Variants in IFT172 observed in about 807,000 individuals in gnomAD.
The protein encoded by IFT172 is intraflagellar transport protein 172 homolog.
IFT172 carries 164 observed loss-of-function variants against 248.9 expected under a neutral mutation model. The ratio of observed to expected loss-of-function variants is 0.66; its 90% CI spans 0.58 to 0.75. IFT172 has a LOEUF of 0.75. Among genes scored for constraint, IFT172 ranks in the 30% least tolerant of loss-of-function variants. The probability of loss-of-function intolerance (pLI) is 0.00; values close to 1 mark genes in which losing one functional copy is unlikely to be tolerated. For synonymous variants in IFT172, 729 were observed against 791.6 expected (o/e 0.92, Z 1.33); for missense variants, 1,950 against 2,192.4 (o/e 0.89, Z 2.21).
intron 42 of IFT172, 143 bp from the exon 43 acceptor site, chr2:27,446,498 G>GTT (rs11430923): frequency 0.015 from 8,547 of 579,766 alleles, no homozygotes; most frequent in South Asian, 0.018. Context: ...CTGGGTCTTA[G>GTT]TTTTTTTTTT....
At position 27,476,662 on chromosome 2, in the gene IFT172, C is replaced by G; in HGVS notation, c.1390G>C (p.Asp464His). 1 of 1,595,894 alleles carries G rather than the reference C, an allele frequency of 6.3e-7. No homozygotes were observed. ...TCACCTATAGCAATAGTCTTAATATCAATAAGATAAGCCAATTTCTTATTA... is the reference window on the plus strand; with the variant it reads ...TCACCTATAGCAATAGTCTTAATATGAATAAGATAAGCCAATTTCTTATTA... ...EDNKKLAYLIDIKTIAIVDLI... is the reference protein window; with the variant it reads ...EDNKKLAYLIHIKTIAIVDLI... The change falls in exon 14 of 48, where the codon GAT becomes CAT. Residue 464 changes from aspartate to histidine, a missense_variant. Around this residue, in one of 3 missense-constraint regions of IFT172, gnomAD observed 1,166 missense variants for 1,254.1 expected, o/e 0.93. Transcript: ENST00000260570.
At chr2:27,464,422 T>A (rs981233110) in intron 18 of IFT172, among the ~76,000 whole-genome samples, 1 of 152,172 alleles carries the variant, frequency 6.6e-6, no homozygotes, top group Non-Finnish European at 1.5e-5. Context: ...TCTATGGTTA[T>A]ATAAGTTGGT....
Position 27,461,364 on chromosome 2 carries a change from C to G in IFT172, c.2347G>C (p.Ala783Pro), listed in dbSNP as rs1051955157. The G allele has an allele frequency of 6.2e-7, 1 of 1,614,202 alleles. No individual in the cohort carries two copies. The highest frequency in any genetic ancestry group is 8.5e-7 in the Non-Finnish European group (1 of 1,180,032). Residue 783 changes from alanine to proline, a missense_variant, in exon 22 of 48, where the codon GCT (alanine) becomes CCT (proline). Around this residue, in one of 3 missense-constraint regions of IFT172, gnomAD observed 1,166 missense variants for 1,254.1 expected, o/e 0.93. Coordinates refer to ENST00000260570, the MANE Select transcript of IFT172 (RefSeq NM_015662.3). ...TCCTCTCGGGTCAGCACCAGCCGAG[C>G]AGCTTTGGCAGGGAGCCCAGCTTTG... ...YLKAGLPAKA[A>P]RLVLTREELL...
In IFT172 at chr2:27,459,663, C is replaced by T. The variant is rs768640681; in HGVS notation, c.2642+46G>A. 5 of 1,608,606 alleles carry T rather than the reference C, an allele frequency of 3.1e-6. No individual in the cohort carries two copies. In the South Asian group the frequency reaches 5.5e-5, roughly 18 times the overall value. Reference sequence around the variant, plus strand: ...TGGTGTCCTTACTTGCTCCACTGCCCCTCACTTCACACCTAAATCTCCTTT... The same window carrying T: ...TGGTGTCCTTACTTGCTCCACTGCCTCTCACTTCACACCTAAATCTCCTTT... On this transcript the variant is annotated intron_variant, in intron 24 of 47. Coordinates refer to ENST00000260570, the MANE Select transcript of IFT172 (RefSeq NM_015662.3).
At chr2:27,462,934 G>T in intron 19 of IFT172, 141 bp from the exon 20 acceptor site, 2 of 1,164,046 alleles carry the variant, frequency 1.7e-6, no homozygotes, top group Non-Finnish European at 2.5e-6. Flanking sequence ...AAGGTTTGAG[G>T]TTTAGCAAAA....
rs1466866813 is a variant in IFT172 at position 27,454,875 on chromosome 2, G to A, written c.3372-215C>T. Among the ~76,000 whole-genome samples, 13 of 152,288 alleles carry A rather than the reference G, an allele frequency of 8.5e-5. No homozygotes were observed. Among genetic ancestry groups the A allele is most frequent in the African/African-American group, 1.9e-4 (8 of 41,562 alleles). ...TCACTGTCAGCGTGGATCAAGAGACGTCTGGAAAAGCCTATGCCTTCCCTG... is the reference window on the plus strand; with the variant it reads ...TCACTGTCAGCGTGGATCAAGAGACATCTGGAAAAGCCTATGCCTTCCCTG... On this transcript the variant is annotated intron_variant, in intron 30 of 47. Transcript: ENST00000260570. This position sits in a 1 kb window ranked among gnomAD's most constrained non-coding sequence, Gnocchi z 4.2.
At chr2:27,470,349 T>C (rs912497753) in intron 16 of IFT172, among the ~76,000 whole-genome samples, 1 of 150,218 alleles carries the variant, frequency 6.7e-6, no homozygotes, top group Admixed American at 6.6e-5. Flanking sequence ...ACTAAACAAA[T>C]AAATTTTAGA....
rs772748712 is a variant in IFT172 at position 27,447,469 on chromosome 2, G to T, written c.4659+46C>A. On this transcript the variant is annotated intron_variant, in intron 42 of 47. Coordinates refer to ENST00000260570, the MANE Select transcript of IFT172 (RefSeq NM_015662.3). ...ATCAATTCAGCTTTATACATTTGCA[G>T]ATGAGCCCTTCTGACTGAGTGTTCC... The T allele has an allele frequency of 3.1e-6, 5 of 1,601,498 alleles. No homozygotes were observed. The East Asian group carries it at 1.1e-4, about 36-fold the overall frequency.
Position 27,461,328 on chromosome 2 carries a change from T to C in IFT172, c.2383A>G (p.Asn795Asp). Reference protein sequence around the residue: ...LVLTREELLANTELVEHITAA... With the variant: ...LVLTREELLADTELVEHITAA... ...GTGATGTGTTCTACCAGCTCTGTGTTGGCTAGCAGTTCCTCTCGGGTCAGC... is the reference window on the plus strand; with the variant it reads ...GTGATGTGTTCTACCAGCTCTGTGTCGGCTAGCAGTTCCTCTCGGGTCAGC... The change falls in exon 22 of 48, where the codon AAC becomes GAC. Residue 795 changes from asparagine to aspartate, a missense_variant. Physicochemically the swap from Asn to Asp is conservative, Grantham distance 23. This residue lies in a region of IFT172 where 1,166 missense variants were observed against 1,254.1 expected (regional missense o/e 0.93). Coordinates refer to ENST00000260570, the MANE Select transcript of IFT172 (RefSeq NM_015662.3). 6.2e-7 allele frequency: 1 copy of C among 1,614,154 alleles called. No homozygotes were observed. The highest frequency in any genetic ancestry group is 8.5e-7 in the Non-Finnish European group (1 of 1,180,002).
intron 30 of IFT172, chr2:27,455,276 A>AT (rs1666059768): frequency 5.8e-6 from 2 of 345,122 alleles, no homozygotes; most frequent in Non-Finnish European, 5.5e-6. Flanking sequence ...TCTAATTGTG[A>AT]TGCTGAAGTA....
chr2:27,472,078 T>C, intron 15 of IFT172, 172 bp downstream of exon 15: 1 of 607,384 alleles, frequency 1.6e-6, no homozygotes. Flanking sequence ...TGGGTTTTGC[T>C]ATCAGTTTTG....
chr2:27,489,589 G>T, intron 1 of IFT172, 26 bp downstream of exon 1: 1 of 1,588,332 alleles, frequency 6.3e-7, no homozygotes, highest in Non-Finnish European at 8.6e-7. Flanking sequence ...AGCATAAGGG[G>T]GAGGGACTGG....
chr2:27,478,365 C>T (rs1668118621), intron 10 of IFT172, among the ~76,000 whole-genome samples: 1 of 152,256 alleles, frequency 6.6e-6, no homozygotes, highest in Non-Finnish European at 1.5e-5. Flanking sequence ...TCTCTTTTGA[C>T]ACTCATAATT....
intron 19 of IFT172, 93 bp downstream of exon 19, chr2:27,463,003 TG>T: frequency 7.0e-7 from 1 of 1,433,850 alleles, no homozygotes. Flanking sequence ...TAAAGGAAAC[TG>T]GGGATGGCTG....
rs1306497542 is a variant in IFT172 at position 27,481,382 on chromosome 2, TC to T, written c.571-123del. The T allele has an allele frequency of 1.5e-5, 11 of 710,748 alleles. No homozygotes were observed. In the Admixed American group the frequency reaches 2.7e-4, roughly 17 times the overall value. The allele number at this position is 710,748 out of a possible 1,614,324, so 44.0% of individuals were successfully genotyped here. A position where few individuals can be genotyped will look rare whatever the true frequency, so the allele number is the denominator to read the frequency against. On this transcript the variant is annotated intron_variant, in intron 7 of 47. Transcript: ENST00000260570. Reference sequence around the variant, plus strand: ...CCCTGCAGAAATCTCTTCCAACATTTCCCTATCCCAACACATCCTAATCCTG... The same window carrying T: ...CCCTGCAGAAATCTCTTCCAACATTTCCTATCCCAACACATCCTAATCCTG...
chr2:27,475,878 C>T (rs369429137), intron 14 of IFT172, among the ~76,000 whole-genome samples: 40 of 151,886 alleles, frequency 2.6e-4, no homozygotes, highest in African/African-American at 5.3e-4. Context: ...GCAATCCGCC[C>T]GCCTCAGCCT....
In IFT172 at chr2:27,483,378, T is replaced by TA; in HGVS notation, c.483-3dup. The stretch of plus-strand genomic sequence containing the variant: ...GAGAGAATTCCTTTCCCAGAGCAAC[T>TA]AAAAAAGGAGAAAGGAGAGAAATAC... On this transcript the variant is annotated splice_region_variant and splice_polypyrimidine_tract_variant and intron_variant, in intron 6 of 47. Transcript: ENST00000260570. 6.3e-7 allele frequency: 1 copy of TA among 1,587,886 alleles called. No individual in the cohort carries two copies. Among genetic ancestry groups the TA allele is most frequent in the Middle Eastern group, 1.7e-4 (1 of 6,002 alleles).
intron 30 of IFT172, chr2:27,455,701 ACT>A (rs755021172): frequency 3.1e-6 from 1 of 323,164 alleles, no homozygotes; most frequent in African/African-American, 2.3e-5. Context: ...ACAGAGCGAG[ACT>A]CTGTCTCAGA....
At chr2:27,465,615 T>A in intron 17 of IFT172, 97 bp from the exon 18 acceptor site, 1 of 1,533,152 alleles carries the variant, frequency 6.5e-7, no homozygotes, top group Non-Finnish European at 9.0e-7. Flanking sequence ...GGAAGGGCCA[T>A]CTTTGTCTCA....
Sources: allele counts gnomAD v4.1 joint callset (sites outside exome capture counted in the v4.1 genomes callset), GRCh38; gene constraint gnomAD v4.1.1; regional missense constraint gnomAD v4.1.1; non-coding constraint Gnocchi (gnomAD v3.1); transcripts MANE v1.5; gene names NCBI Gene and HGNC (gene_info 2026-07-23, HGNC 2026-07-21).